Variants in WDR45B observed in about 807,000 individuals in gnomAD.
WDR45B encodes WD repeat domain phosphoinositide-interacting protein 3.
WDR45B carries 20 observed loss-of-function variants against 44.6 expected under a neutral mutation model. The observed-to-expected ratio is 0.45, with a 90% CI of 0.32 to 0.65. The LOEUF (loss-of-function observed/expected upper bound fraction) is 0.65, where lower values mean the gene tolerates loss of function less well. WDR45B is among the 30% of genes least tolerant of loss of function. The pLI is 0.05. For synonymous variants in WDR45B, 169 were observed against 164.9 expected (o/e 1.02, Z -0.19); for missense variants, 323 against 430.2 (o/e 0.75, Z 2.20).
rs577806894 is a variant in WDR45B, at chr17:82,635,760, A to T, written c.143-4738T>A. Among the ~76,000 whole-genome samples, 2 of 152,136 alleles carry T rather than the reference A, an allele frequency of 1.3e-5. 1 individual carries two copies. Among genetic ancestry groups the T allele is most frequent in the African/African-American group, 4.8e-5 (2 of 41,406 alleles). The stretch of plus-strand genomic sequence containing the variant: ...TCTAAAAGCAACAAGTCATTCCCTT[A>T]GCAAGATGTGATTCTAGCTAATGGT... On this transcript the variant is annotated intron_variant, in intron 2 of 9. Coordinates refer to ENST00000392325, the MANE Select transcript of WDR45B (RefSeq NM_019613.4).
chr17:82,627,156 T>C, intron 4 of WDR45B, 48 bp downstream of exon 4: 1 of 1,410,202 alleles, frequency 7.1e-7, no homozygotes, highest in Non-Finnish European at 1.0e-6. Context: ...CAGCCATCTT[T>C]TGAGAAAGTG....
chr17:82,629,920 T>C (rs998044562), intron 3 of WDR45B: 4 of 985,092 alleles, frequency 4.1e-6, no homozygotes, highest in Non-Finnish European at 4.8e-6. Flanking sequence ...ATCCTGGTCT[T>C]GATTCTGAAC....
At chr17:82,617,766 G>A (rs1001744267) in intron 7 of WDR45B, among the ~76,000 whole-genome samples, 6 of 152,180 alleles carry the variant, frequency 3.9e-5, no homozygotes, top group African/African-American at 1.4e-4. Context: ...AATGATCCTG[G>A]CCTCAGGAAG....
chr17:82,646,888 TGGTCCCAGGGCATCA>T (rs2045985237), intron 1 of WDR45B, among the ~76,000 whole-genome samples: 2 of 152,308 alleles, frequency 1.3e-5, no homozygotes, highest in Admixed American at 6.5e-5. Context: ...GAAGCCTGAC[TGGTCCCAGGGCATCA>T]GGCATCAAAA....
intron 2 of WDR45B, among the ~76,000 whole-genome samples, chr17:82,632,718 G>C (rs980957563): frequency 2.0e-5 from 3 of 152,006 alleles, no homozygotes; most frequent in Non-Finnish European, 2.9e-5. Context: ...TCCTCAGCTC[G>C]ATCTTCGAGA....
chr17:82,648,220 C>A, intron 1 of WDR45B, 54 bp downstream of exon 1: 2 of 1,565,910 alleles, frequency 1.3e-6, no homozygotes, highest in Non-Finnish European at 1.7e-6. Flanking sequence ...AGCCGGGGAC[C>A]CCGGGCTGCG....
intron 7 of WDR45B, among the ~76,000 whole-genome samples, chr17:82,617,793 T>C (rs957150767): frequency 7.2e-5 from 11 of 152,226 alleles, no homozygotes; most frequent in Non-Finnish European, 1.5e-4. Context: ...GCTGCCCCTA[T>C]GGAGGTCAGC....
chr17:82,615,909 C>T lies in WDR45B; in HGVS notation c.*10G>A, dbSNP rs1423116453. The T allele has an allele frequency of 1.9e-6, 3 of 1,611,694 alleles. No homozygotes were observed. The highest frequency in any genetic ancestry group is 2.5e-6 in the Non-Finnish European group (3 of 1,178,378). On this transcript the variant is annotated 3_prime_UTR_variant, in exon 10 of 10. Transcript: ENST00000392325. ...GCAGGTGGTGGGTGCTGTGGCGCCC[C>T]CAGCTGGAGTCACAGCTTGTCATCG...
rs386386786 is a variant in WDR45B at position 82,631,277 on chromosome 17, ATTTTTTTT to A, written c.143-263_143-256del. Among the ~76,000 whole-genome samples, 4 of 86,844 alleles carry A rather than the reference ATTTTTTTT, an allele frequency of 4.6e-5. No individual in the cohort carries two copies. The East Asian group carries it at 1.0e-3, about 22-fold the overall frequency. 57.0% of individuals were successfully genotyped at this position (86,844 alleles called of 152,430 possible). ...CCAAGTAGCTGGGAATACAGGACTC[ATTTTTTTT>A]TTTTTTTTTTTTTTTTGAGAAGGAG... is the stretch of plus-strand genomic sequence containing the variant. On this transcript the variant is annotated intron_variant, in intron 2 of 9. Transcript: ENST00000392325.
intron 6 of WDR45B, 60 bp from the exon 7 acceptor site, chr17:82,619,188 G>A: frequency 6.7e-7 from 1 of 1,498,500 alleles, no homozygotes; most frequent in Admixed American, 1.7e-5. Flanking sequence ...GTTAGTTTTT[G>A]AAATGACTCA....
intron 2 of WDR45B, among the ~76,000 whole-genome samples, chr17:82,632,837 G>A (rs1009509516): frequency 2.6e-5 from 4 of 152,036 alleles, no homozygotes; most frequent in African/African-American, 7.2e-5. Context: ...AGGCCATCCT[G>A]GGCAACATAA....
intron 6 of WDR45B, among the ~76,000 whole-genome samples, chr17:82,619,670 C>T (rs1031865382): frequency 3.9e-5 from 6 of 152,144 alleles, no homozygotes; most frequent in East Asian, 3.9e-4. Context: ...TCCTCCAGAA[C>T]GAGGAGGACT....
At chr17:82,637,653 C>T (rs545418845) in intron 2 of WDR45B, among the ~76,000 whole-genome samples, 11 of 152,118 alleles carry the variant, frequency 7.2e-5, no homozygotes, top group East Asian at 1.9e-4. Flanking sequence ...CACGGCTCAC[C>T]GAACTCAGGG....
intron 2 of WDR45B, among the ~76,000 whole-genome samples, chr17:82,640,119 A>T (rs369919648): frequency 5.9e-5 from 9 of 152,258 alleles, no homozygotes; most frequent in East Asian, 5.8e-4. Flanking sequence ...TCCCTGAACT[A>T]CCAGCTTCCC....
intron 8 of WDR45B, among the ~76,000 whole-genome samples, chr17:82,617,039 A>ACTCCTGACCT (rs1384684596): frequency 6.7e-6 from 1 of 148,186 alleles, no homozygotes; most frequent in African/African-American, 2.5e-5. Context: ...ATGGTCTCGA[A>ACTCCTGACCT]CTCCTGACCT....
chr17:82,623,575 G>A lies in WDR45B; in HGVS notation c.428-1776C>T, dbSNP rs1250134824. Among the ~76,000 whole-genome samples the A allele has an allele frequency of 2.6e-5, 4 of 151,720 alleles. No individual in the cohort carries two copies. The East Asian group carries it at 5.8e-4, about 22-fold the overall frequency. ...ATTAGCCAGGCATGGTGGTGTGCCT[G>A]TAGTCCCAGCTACTCAGGAGGCTGA... On this transcript the variant is annotated intron_variant, in intron 5 of 9. Transcript: ENST00000392325.
At chr17:82,646,434 C>A (rs2045976201) in intron 1 of WDR45B, among the ~76,000 whole-genome samples, 1 of 135,134 alleles carries the variant, frequency 7.4e-6, no homozygotes, top group Non-Finnish European at 1.5e-5. Context: ...TTGCAGTGAG[C>A]CTAGAACGCG....
At chr17:82,644,448 G>A (rs2045952667) in intron 1 of WDR45B, 2 of 227,616 alleles carry the variant, frequency 8.8e-6, no homozygotes, top group Admixed American at 5.1e-5. Flanking sequence ...GAACCGGGAA[G>A]GTGAGGAAAG....
chr17:82,618,743 AC>A (rs569581916), intron 7 of WDR45B, among the ~76,000 whole-genome samples: 180 of 151,844 alleles, frequency 1.2e-3, no homozygotes, highest in African/African-American at 3.8e-3. Context: ...CAAAATAAAA[AC>A]CCCAAAAAAA....
Sources: allele counts gnomAD v4.1 joint callset (sites outside exome capture counted in the v4.1 genomes callset), GRCh38; gene constraint gnomAD v4.1.1; transcripts MANE v1.5; gene names NCBI Gene and HGNC (gene_info 2026-07-23, HGNC 2026-07-21).